Variants in ADAMTS3 observed in about 807,000 individuals in gnomAD.
ADAMTS3 encodes the protein A disintegrin and metalloproteinase with thrombospondin motifs 3.
In ADAMTS3, 73 loss-of-function variants were observed where a neutral mutation model predicts 129.0. The ratio of observed to expected loss-of-function variants is 0.57; its 90% CI spans 0.47 to 0.69. The LOEUF is 0.69. ADAMTS3 is among the 30% of genes least tolerant of loss of function. The probability of loss-of-function intolerance (pLI) is 0.00; values close to 1 mark genes in which losing one functional copy is unlikely to be tolerated. For missense variants in ADAMTS3, 1,457 were observed against 1,514.5 expected (o/e 0.96, Z 0.63); for synonymous variants, 477 against 510.8 (o/e 0.93, Z 0.89).
At chr4:72,386,495 C>T (rs1296256178) in intron 4 of ADAMTS3, among the ~76,000 whole-genome samples, 1 of 151,792 alleles carries the variant, frequency 6.6e-6, no homozygotes, top group Non-Finnish European at 1.5e-5. Flanking sequence ...AGTAACTATA[C>T]CATCAGTGCA....
chr4:72,338,705 A>C (rs1720053387), intron 5 of ADAMTS3, among the ~76,000 whole-genome samples: 1 of 152,068 alleles, frequency 6.6e-6, no homozygotes, highest in Non-Finnish European at 1.5e-5. Flanking sequence ...TAGGTAATAA[A>C]TTTGCAAGAT....
intron 4 of ADAMTS3, among the ~76,000 whole-genome samples, chr4:72,346,644 T>G (rs1248317529): frequency 6.6e-6 from 1 of 152,134 alleles, no homozygotes; most frequent in Admixed American, 6.6e-5. Flanking sequence ...AATTAAAATA[T>G]AAGATAAACA....
chr4:72,550,498 C>T (rs979872498), intron 2 of ADAMTS3, among the ~76,000 whole-genome samples: 3 of 152,112 alleles, frequency 2.0e-5, no homozygotes, highest in Non-Finnish European at 4.4e-5. Context: ...TTTAAATGAA[C>T]TATCCCATTT....
chr4:72,488,917 T>C (rs1351023552), intron 3 of ADAMTS3, among the ~76,000 whole-genome samples: 2 of 151,918 alleles, frequency 1.3e-5, no homozygotes, highest in Non-Finnish European at 2.9e-5. Flanking sequence ...TTGTATGCTT[T>C]GACCACTATC....
chr4:72,310,825 G>A (rs1022665653), intron 14 of ADAMTS3, among the ~76,000 whole-genome samples: 1 of 152,046 alleles, frequency 6.6e-6, no homozygotes, highest in African/African-American at 2.4e-5. Context: ...GCATTTGGCT[G>A]GAAATTAGGA....
At chr4:72,317,807 C>A (rs900694854) in intron 10 of ADAMTS3, among the ~76,000 whole-genome samples, 1 of 152,078 alleles carries the variant, frequency 6.6e-6, no homozygotes, top group Non-Finnish European at 1.5e-5. Context: ...GCGGGCAGAT[C>A]ACAAGGTCAA....
chr4:72,461,690 C>T (rs1467221651), intron 3 of ADAMTS3, among the ~76,000 whole-genome samples: 1 of 151,896 alleles, frequency 6.6e-6, no homozygotes, highest in Non-Finnish European at 1.5e-5. Flanking sequence ...TCTCTGCTCA[C>T]TCCTTCCATT....
At chr4:72,318,790 A>G (rs1719469400) in intron 9 of ADAMTS3, 86 bp from the exon 10 acceptor site, 3 of 1,328,570 alleles carry the variant, frequency 2.3e-6, no homozygotes, top group Non-Finnish European at 3.1e-6. Context: ...CTTAGCTTAT[A>G]TACTTTAGAA....
intron 3 of ADAMTS3, among the ~76,000 whole-genome samples, chr4:72,527,059 G>A (rs748001269): frequency 2.0e-5 from 3 of 152,026 alleles, no homozygotes; most frequent in Non-Finnish European, 4.4e-5. Flanking sequence ...TTTAACTAGT[G>A]TTAGCATTAT....
At chr4:72,567,109 A>C (rs933110587) in intron 2 of ADAMTS3, among the ~76,000 whole-genome samples, 1 of 152,220 alleles carries the variant, frequency 6.6e-6, no homozygotes, top group African/African-American at 2.4e-5. Context: ...TTCCAAGTAC[A>C]TATCAGTGGC....
intron 4 of ADAMTS3, among the ~76,000 whole-genome samples, chr4:72,363,452 C>T (rs1720779008): frequency 6.6e-6 from 1 of 152,096 alleles, no homozygotes; most frequent in Non-Finnish European, 1.5e-5. Flanking sequence ...ATAAAAAAGG[C>T]CATCCTCCCT....
intron 3 of ADAMTS3, among the ~76,000 whole-genome samples, chr4:72,430,594 C>T (rs1722673213): frequency 6.6e-6 from 1 of 151,890 alleles, no homozygotes; most frequent in Non-Finnish European, 1.5e-5. Flanking sequence ...CTTGGAATGC[C>T]TAACATACAA....
Position 72,291,836 on chromosome 4 carries a change from A to G in ADAMTS3, c.2724-774T>C, listed in dbSNP as rs1718679076. On this transcript the variant is annotated intron_variant, in intron 19 of 21. Transcript: ENST00000286657. Reference sequence around the variant, plus strand: ...CTGAGGAATCGCCACACTGACTTCCACAATGGTTGAACTAGCTTACAGTCC... The same window carrying G: ...CTGAGGAATCGCCACACTGACTTCCGCAATGGTTGAACTAGCTTACAGTCC... 2.0e-5 allele frequency among the ~76,000 whole-genome samples: 3 copies of G among 152,306 alleles called. No homozygotes were observed. The South Asian group carries it at 6.2e-4, about 32-fold the overall frequency.
chr4:72,312,136 C>T (rs1181364818), intron 13 of ADAMTS3, 155 bp downstream of exon 13: 1 of 707,728 alleles, frequency 1.4e-6, no homozygotes, highest in Non-Finnish European at 2.3e-6. Context: ...GGTATTTAAG[C>T]CTTATTCTTA....
At chr4:72,376,376 A>G (rs1329976543) in intron 4 of ADAMTS3, among the ~76,000 whole-genome samples, 1 of 152,162 alleles carries the variant, frequency 6.6e-6, no homozygotes, top group Non-Finnish European at 1.5e-5. Flanking sequence ...AATCACTAGC[A>G]TTAACCATCA....
chr4:72,405,451 T>TA (rs577304828), intron 4 of ADAMTS3, among the ~76,000 whole-genome samples: 23 of 151,978 alleles, frequency 1.5e-4, no homozygotes, highest in African/African-American at 2.2e-4. Flanking sequence ...AAGTAATATT[T>TA]AAAAAAAACA....
chr4:72,547,024 G>C (rs1327000782), intron 3 of ADAMTS3, among the ~76,000 whole-genome samples: 1 of 151,622 alleles, frequency 6.6e-6, no homozygotes, highest in Non-Finnish European at 1.5e-5. Flanking sequence ...ACGTACAGCA[G>C]AGGGAACCAT....
At chr4:72,403,034 A>C (rs759242699) in intron 4 of ADAMTS3, among the ~76,000 whole-genome samples, 2 of 152,072 alleles carry the variant, frequency 1.3e-5, no homozygotes, top group Non-Finnish European at 2.9e-5. Flanking sequence ...TTTGTTTATT[A>C]GTTTCTCTGC....
chr4:72,470,219 C>A (rs769863505), intron 3 of ADAMTS3, among the ~76,000 whole-genome samples: 1 of 151,960 alleles, frequency 6.6e-6, no homozygotes, highest in Non-Finnish European at 1.5e-5. Context: ...CTTTCAGCAA[C>A]TCCTCTTACT....
Sources: gnomAD v4.1 joint callset for allele counts (sites outside exome capture counted in the v4.1 genomes callset) on GRCh38, gnomAD v4.1.1 for gene constraint, MANE v1.5 for transcripts, NCBI Gene and HGNC (gene_info 2026-07-23, HGNC 2026-07-21) for gene names.